TRIP13: variants seen among roughly 807,000 people sequenced by gnomAD.
The protein encoded by TRIP13 is thyroid hormone receptor interactor 13, also known as pachytene checkpoint protein 2 homolog.
Under a neutral mutation model 54.4 loss-of-function variants are expected in TRIP13, and 25 were observed. The ratio of observed to expected loss-of-function variants is 0.46; its 90% CI spans 0.33 to 0.64. The LOEUF (loss-of-function observed/expected upper bound fraction) is 0.64, where lower values mean the gene tolerates loss of function less well. TRIP13 is among the 30% of genes least tolerant of loss of function. The pLI, the probability that TRIP13 is intolerant of heterozygous loss-of-function variation, is 0.02. For synonymous variants in TRIP13, 207 were observed against 207.8 expected, an observed-to-expected ratio of 1.00 and a Z score of 0.03; for missense variants, 373 against 534.2, an observed-to-expected ratio of 0.70 and a Z score of 2.97.
chr5:914,698 G>A, intron 11 of TRIP13, 121 bp downstream of exon 11: 1 of 749,804 alleles, frequency 1.3e-6, no homozygotes, highest in Non-Finnish European at 2.3e-6. Context: ...ACACAGTATA[G>A]GTATGAACAT....
intron 6 of TRIP13, among the ~76,000 whole-genome samples, chr5:905,241 A>G (rs1043543741): frequency 6.6e-6 from 1 of 151,396 alleles, no homozygotes; most frequent in African/African-American, 2.4e-5. Flanking sequence ...ATCCGTGGGC[A>G]CTCTCCACTC....
At chr5:894,435 C>T (rs866233019) in intron 1 of TRIP13, among the ~76,000 whole-genome samples, 5 of 152,218 alleles carry the variant, frequency 3.3e-5, no homozygotes, top group Non-Finnish European at 7.3e-5. Flanking sequence ...AGCTGTGGAA[C>T]TTCATTAGTA....
At position 917,162 on chromosome 5, in the gene TRIP13, T is replaced by A; in HGVS notation, c.*59T>A. ...GAGAACACACAACCAGTAAGTGAGG[T>A]TGCCCCACACAGCCGTCTCCCAGGG... is the stretch of plus-strand genomic sequence containing the variant. On this transcript the variant is annotated 3_prime_UTR_variant, in exon 13 of 13. Transcript: ENST00000166345. 2.6e-6 allele frequency: 4 copies of A among 1,563,676 alleles called. No homozygotes were observed. Among genetic ancestry groups the A allele is most frequent in the Non-Finnish European group, 3.5e-6 (4 of 1,140,098 alleles).
chr5:916,193 C>T (rs997756040), intron 12 of TRIP13, among the ~76,000 whole-genome samples: 3 of 152,200 alleles, frequency 2.0e-5, no homozygotes, highest in Non-Finnish European at 2.9e-5. Flanking sequence ...TCTGCTCACA[C>T]GCATGCATGC....
At position 915,879 on chromosome 5, in the gene TRIP13, T is replaced by C; in HGVS notation, c.1134-25T>C. On this transcript the variant is annotated intron_variant, in intron 11 of 12. Coordinates refer to ENST00000166345, the MANE Select transcript of TRIP13 (RefSeq NM_004237.4). This position sits in a 1 kb window ranked among gnomAD's most constrained non-coding sequence, Gnocchi z 4.2. The stretch of plus-strand genomic sequence containing the variant: ...ACGTGTGATTGTATAAATTGCTGTC[T>C]CTGAACTGGGTTTTCTTTACACAGG... 6.2e-7 allele frequency: 1 copy of C among 1,613,686 alleles called. No individual in the cohort carries two copies. The highest frequency in any genetic ancestry group is 8.5e-7 in the Non-Finnish European group (1 of 1,179,624).
chr5:907,024 C>A lies in TRIP13; in HGVS notation c.609-106C>A. ...TTCTTTGTCAGTAATTGTAATTCCC[C>A]CGATGCTGGGCACTTGAGATGTTGC... On this transcript the variant is annotated intron_variant, in intron 6 of 12. Coordinates refer to ENST00000166345, the MANE Select transcript of TRIP13 (RefSeq NM_004237.4). The surrounding 1 kb of genome is among the most constrained non-coding windows in gnomAD (Gnocchi z 4.1). 1.2e-6 allele frequency: 1 copy of A among 849,616 alleles called. No individual in the cohort carries two copies. The highest frequency in any genetic ancestry group is 2.5e-5 in the East Asian group (1 of 40,480). 52.6% of individuals were successfully genotyped at this position (849,616 alleles called of 1,614,324 possible). A position where few individuals can be genotyped will look rare whatever the true frequency, so the allele number is the denominator to read the frequency against.
chr5:896,877 T>C, intron 3 of TRIP13, 83 bp downstream of exon 3: 1 of 1,440,312 alleles, frequency 6.9e-7, no homozygotes, highest in East Asian at 2.4e-5. Flanking sequence ...CAGGGGGGGT[T>C]CTGTTTGTCC....
In TRIP13 at chr5:917,138, A is replaced by T. The variant is rs1327389764; in HGVS notation, c.*35A>T. On this transcript the variant is annotated 3_prime_UTR_variant, in exon 13 of 13. Coordinates refer to ENST00000166345, the MANE Select transcript of TRIP13 (RefSeq NM_004237.4). ...TCCCCATCTGGTGCTTTTCCCATGG[A>T]GAACACACAACCAGTAAGTGAGGTT... The T allele has an allele frequency of 3.1e-6, 5 of 1,606,568 alleles. No homozygotes were observed. The highest frequency in any genetic ancestry group is 1.3e-5 in the African/African-American group (1 of 74,774).
At position 911,964 on chromosome 5, in the gene TRIP13, A is replaced by G. The variant is rs1035323563; in HGVS notation, c.988A>G (p.Ile330Val). 7.4e-6 allele frequency: 12 copies of G among 1,613,248 alleles called. No individual in the cohort carries two copies. The highest frequency in any genetic ancestry group is 9.3e-6 in the Non-Finnish European group (11 of 1,179,870). Reference sequence around the variant, plus strand: ...ACCCTCTGCAGCAGCCATCTTCAAAATCTACCTCTCTTGTTTGGAAGAACT... The same window carrying G: ...ACCCTCTGCAGCAGCCATCTTCAAAGTCTACCTCTCTTGTTTGGAAGAACT... ...GPPSAAAIFK[I>V]YLSCLEELMK... Residue 330 changes from isoleucine to valine, a missense_variant, in exon 10 of 13, where the codon ATC (isoleucine) becomes GTC (valine). By Grantham distance (29) the Ile-to-Val change is conservative. Coordinates refer to ENST00000166345, the MANE Select transcript of TRIP13 (RefSeq NM_004237.4). The surrounding 1 kb of genome is among the most constrained non-coding windows in gnomAD (Gnocchi z 4.7).
chr5:906,644 C>T (rs541324245), intron 6 of TRIP13, among the ~76,000 whole-genome samples: 8 of 152,138 alleles, frequency 5.3e-5, no homozygotes, highest in Admixed American at 1.3e-4. Context: ...GATCTGTCTG[C>T]GGGCTTCTGA....
rs1467891963 is a variant in TRIP13, at chr5:908,784, CT to C, written c.866+324del. On this transcript the variant is annotated intron_variant, in intron 9 of 12. Coordinates refer to ENST00000166345, the MANE Select transcript of TRIP13 (RefSeq NM_004237.4). The surrounding 1 kb of genome is among the most constrained non-coding windows in gnomAD (Gnocchi z 5.2). The stretch of plus-strand genomic sequence containing the variant: ...CCATCCTGGCTGACACGGTGAAACC[CT>C]GTCTCTACTAAAAATACAAAAAATT... 5 of 582,404 alleles carry C rather than the reference CT, an allele frequency of 8.6e-6. No individual in the cohort carries two copies. Among genetic ancestry groups the C allele is most frequent in the Non-Finnish European group, 1.2e-5 (5 of 419,482 alleles). 36.1% of individuals were successfully genotyped at this position (582,404 alleles called of 1,614,324 possible).
intron 1 of TRIP13, 36 bp from the exon 2 acceptor site, chr5:894,751 A>C (rs1176065505): frequency 6.4e-7 from 1 of 1,565,722 alleles, no homozygotes; most frequent in African/African-American, 1.4e-5. Flanking sequence ...TTTTTGAACT[A>C]AGATCATTTA....
intron 2 of TRIP13, among the ~76,000 whole-genome samples, chr5:896,313 C>G (rs555234949): frequency 6.6e-6 from 1 of 151,710 alleles, no homozygotes; most frequent in East Asian, 1.9e-4. Flanking sequence ...GATCCCGTTG[C>G]AAAAAATAAG....
At chr5:914,326 C>G (rs1754299388) in intron 10 of TRIP13, 139 bp from the exon 11 acceptor site, 2 of 659,522 alleles carry the variant, frequency 3.0e-6, no homozygotes, top group Admixed American at 4.8e-5. Flanking sequence ...AGCTGTGCAT[C>G]TTGAGTCGTC....
Position 907,928 on chromosome 5 carries a change from C to G in TRIP13, c.673-60C>G. The G allele has an allele frequency of 6.4e-7, 1 of 1,564,776 alleles. No homozygotes were observed. The highest frequency in any genetic ancestry group is 8.8e-7 in the Non-Finnish European group (1 of 1,135,320). On this transcript the variant is annotated intron_variant, in intron 7 of 12. Coordinates refer to ENST00000166345, the MANE Select transcript of TRIP13 (RefSeq NM_004237.4). The surrounding 1 kb of genome is among the most constrained non-coding windows in gnomAD (Gnocchi z 4.1). Reference sequence around the variant, plus strand: ...GGGCAGCAGGCCACATCAGGGTCCCCCTGTGCACCTGGCAGTGTGGTCCCT... The same window carrying G: ...GGGCAGCAGGCCACATCAGGGTCCCGCTGTGCACCTGGCAGTGTGGTCCCT...
chr5:894,251 C>T (rs1753829586), intron 1 of TRIP13, among the ~76,000 whole-genome samples: 2 of 152,072 alleles, frequency 1.3e-5, no homozygotes, highest in South Asian at 4.2e-4. Context: ...TAGCAGGGCA[C>T]AGAGGTGTGA....
At position 912,487 on chromosome 5, in the gene TRIP13, C is replaced by T. The variant is rs145672801; in HGVS notation, c.1020+491C>T. ...AACACTGTTGCCGTGGGCAGAGCGACGCGTGCGGGTTGTGTGTGTGAGTCA... is the reference window on the plus strand; with the variant it reads ...AACACTGTTGCCGTGGGCAGAGCGATGCGTGCGGGTTGTGTGTGTGAGTCA... On this transcript the variant is annotated intron_variant, in intron 10 of 12. Coordinates refer to ENST00000166345, the MANE Select transcript of TRIP13 (RefSeq NM_004237.4). This position sits in a 1 kb window ranked among gnomAD's most constrained non-coding sequence, Gnocchi z 7.2. Among the ~76,000 whole-genome samples the T allele has an allele frequency of 7.6e-3, 1,158 of 151,836 alleles. 17 individuals carry two copies. Among genetic ancestry groups the T allele is most frequent in the African/African-American group, 0.026 (1,084 of 41,362 alleles).
intron 1 of TRIP13, among the ~76,000 whole-genome samples, chr5:893,371 G>GCCCTGA (rs747453740): frequency 9.4e-5 from 14 of 148,746 alleles, no homozygotes; most frequent in African/African-American, 3.4e-4. Context: ...CACGGACCTG[G>GCCCTGA]CCCTGACCCT....
Position 911,742 on chromosome 5 carries a change from G to T in TRIP13, c.867-101G>T, listed in dbSNP as rs1301857880. Reference sequence around the variant, plus strand: ...CCACTTTCCTTCCTGTTGGCAGCCTGCTGGCCATCGTCCTGCCAACCTCCT... The same window carrying T: ...CCACTTTCCTTCCTGTTGGCAGCCTTCTGGCCATCGTCCTGCCAACCTCCT... On this transcript the variant is annotated intron_variant, in intron 9 of 12. Transcript: ENST00000166345. This position sits in a 1 kb window ranked among gnomAD's most constrained non-coding sequence, Gnocchi z 4.7. 1 of 1,447,142 alleles carries T rather than the reference G, an allele frequency of 6.9e-7. No homozygotes were observed. The highest frequency in any genetic ancestry group is 9.2e-7 in the Non-Finnish European group (1 of 1,086,128). 89.6% of individuals were successfully genotyped at this position (1,447,142 alleles called of 1,614,324 possible).
Sources: allele counts gnomAD v4.1 joint callset (sites outside exome capture counted in the v4.1 genomes callset), GRCh38; gene constraint gnomAD v4.1.1; non-coding constraint Gnocchi (gnomAD v3.1); transcripts MANE v1.5; gene names NCBI Gene and HGNC (gene_info 2026-07-23, HGNC 2026-07-21).